Variants in STIM1 observed in about 807,000 individuals in gnomAD.
The protein encoded by STIM1 is stromal interaction molecule 1.
Under a neutral mutation model 74.7 loss-of-function variants are expected in STIM1, and 25 were observed. The ratio of observed to expected loss-of-function variants is 0.33; its 90% CI spans 0.24 to 0.47. STIM1 has a LOEUF of 0.47. Among genes scored for constraint, STIM1 ranks in the 20% least tolerant of loss-of-function variants. The pLI, the probability that STIM1 is intolerant of heterozygous loss-of-function variation, is 1.00. For synonymous variants in STIM1, 328 were observed against 348.8 expected (o/e 0.94, Z 0.66); for missense variants, 728 against 920.8 (o/e 0.79, Z 2.71).
At chr11:3,871,554 G>A (rs1042135590) in intron 1 of STIM1, among the ~76,000 whole-genome samples, 3 of 152,206 alleles carry the variant, frequency 2.0e-5, no homozygotes, top group African/African-American at 2.4e-5. Context: ...CTCTGAGTGA[G>A]TGGAGGAGGA....
chr11:4,088,919 TGA>T, intron 12 of STIM1: 2 of 592,132 alleles, frequency 3.4e-6, no homozygotes, highest in Non-Finnish European at 6.1e-6. Context: ...AACTTTTAGC[TGA>T]TGAGAGAGGC....
At chr11:4,007,758 C>T (rs2093797144) in intron 2 of STIM1, among the ~76,000 whole-genome samples, 1 of 152,038 alleles carries the variant, frequency 6.6e-6, no homozygotes, top group East Asian at 1.9e-4. Context: ...CAAACTGTGC[C>T]CCTGAAGGGT....
intron 3 of STIM1, among the ~76,000 whole-genome samples, chr11:4,039,506 A>C (rs1371190064): frequency 6.7e-6 from 1 of 148,688 alleles, no homozygotes; most frequent in Non-Finnish European, 1.5e-5. Flanking sequence ...TAATTGCTTG[A>C]ACCCAGGAGG....
chr11:3,975,624 A>C (rs1236305301), intron 2 of STIM1, among the ~76,000 whole-genome samples: 1 of 151,758 alleles, frequency 6.6e-6, no homozygotes, highest in African/African-American at 2.4e-5. Flanking sequence ...CCTCAAAAAA[A>C]AGAAGAAGAA....
At chr11:4,070,594 T>C (rs1385689818) in intron 6 of STIM1, among the ~76,000 whole-genome samples, 1 of 152,168 alleles carries the variant, frequency 6.6e-6, no homozygotes, top group African/African-American at 2.4e-5. Flanking sequence ...AAACCTTCCT[T>C]CTTACTGTCC....
chr11:4,075,113 C>T (rs776776849), intron 7 of STIM1, among the ~76,000 whole-genome samples: 3 of 151,536 alleles, frequency 2.0e-5, no homozygotes, highest in Non-Finnish European at 4.4e-5. Context: ...TGCACTCCAG[C>T]CTGGGTGACA....
intron 1 of STIM1, among the ~76,000 whole-genome samples, chr11:3,943,935 A>G (rs1590589072): frequency 6.6e-6 from 1 of 152,380 alleles, no homozygotes; most frequent in East Asian, 1.9e-4. Flanking sequence ...GTCAAAGGAT[A>G]TCTTCATCTA....
intron 1 of STIM1, among the ~76,000 whole-genome samples, chr11:3,908,667 GT>G (rs1441157903): frequency 2.6e-5 from 4 of 151,936 alleles, no homozygotes; most frequent in Non-Finnish European, 5.9e-5. Context: ...TAAAGCCTAG[GT>G]TTATTCTGCT....
rs201952182 is a variant in STIM1 at position 3,953,780 on chromosome 11, C to CTTTTTT, written c.140-13769_140-13768insTTTTTT. Among the ~76,000 whole-genome samples, 16 of 131,114 alleles carry CTTTTTT rather than the reference C, an allele frequency of 1.2e-4. 3 individuals are homozygous for CTTTTTT. Among genetic ancestry groups the CTTTTTT allele is most frequent in the East Asian group, 2.3e-4 (1 of 4,382 alleles). 86.0% of individuals were successfully genotyped at this position (131,114 alleles called of 152,430 possible). Reference sequence around the variant, plus strand: ...TCGGTATTGACTTCTTGATCTTCTTCTTTCTTTTTTTTTTTTTTTTGAGAC... The same window carrying CTTTTTT: ...TCGGTATTGACTTCTTGATCTTCTTCTTTTTTTTTCTTTTTTTTTTTTTTTTGAGAC... On this transcript the variant is annotated intron_variant, in intron 1 of 12. Coordinates refer to ENST00000526596, the MANE Select transcript of STIM1 (RefSeq NM_001382567.1).
intron 2 of STIM1, among the ~76,000 whole-genome samples, chr11:3,982,014 TTTTTC>T (rs1255096971): frequency 6.6e-6 from 1 of 152,098 alleles, no homozygotes; most frequent in Non-Finnish European, 1.5e-5. Context: ...TTTTGTTTCT[TTTTTC>T]TTTTCTTTTC....
intron 3 of STIM1, among the ~76,000 whole-genome samples, chr11:4,026,068 G>T (rs2093995819): frequency 6.6e-6 from 1 of 152,120 alleles, no homozygotes; most frequent in Admixed American, 6.6e-5. Context: ...AATCTCTCCG[G>T]AGTGATGATT....
intron 1 of STIM1, among the ~76,000 whole-genome samples, chr11:3,956,870 A>G (rs2093221402): frequency 6.7e-6 from 1 of 150,372 alleles, no homozygotes; most frequent in Admixed American, 6.7e-5. Flanking sequence ...GGAGAAACCT[A>G]CCTTGCAAAT....
chr11:4,052,373 C>T (rs183141915), intron 3 of STIM1, among the ~76,000 whole-genome samples: 2 of 152,166 alleles, frequency 1.3e-5, no homozygotes, highest in Admixed American at 6.5e-5. Context: ...CAGCATGGTA[C>T]CGGTACCAAA....
chr11:3,931,671 C>A (rs12270732), intron 1 of STIM1, among the ~76,000 whole-genome samples: 53,838 of 152,000 alleles, frequency 0.35, 9,780 homozygotes, highest in South Asian at 0.49. Flanking sequence ...TGTCCCTCTA[C>A]ATTTCATACA....
At position 4,083,344 on chromosome 11, in the gene STIM1, G is replaced by T; in HGVS notation, c.1320G>T (p.Gln440His). 1 of 1,614,240 alleles carries T rather than the reference G, an allele frequency of 6.2e-7. No individual in the cohort carries two copies. Among genetic ancestry groups the T allele is most frequent in the South Asian group, 1.1e-5 (1 of 91,088 alleles). Residue 440 changes from glutamine to histidine, a missense_variant, in exon 10 of 13, where the codon CAG becomes CAT. Physicochemically the swap from Gln to His is conservative, Grantham distance 24. Around this residue, in one of 5 missense-constraint regions of STIM1, gnomAD observed 352 missense variants for 370.1 expected, o/e 0.95. Transcript: ENST00000526596. ...WQQIEILCGF[Q>H]IVNNPGIHSL... ...AGATCGAGATCCTCTGTGGCTTCCA[G>T]ATTGTCAACAACCCTGGCATCCACT...
At chr11:3,983,014 C>T (rs2093521588) in intron 2 of STIM1, among the ~76,000 whole-genome samples, 1 of 152,152 alleles carries the variant, frequency 6.6e-6, no homozygotes, top group South Asian at 2.1e-4. Context: ...TCACTGCAGC[C>T]TCCATCTCCT....
At chr11:3,934,688 A>G (rs117413406) in intron 1 of STIM1, among the ~76,000 whole-genome samples, 24 of 152,318 alleles carry the variant, frequency 1.6e-4, no homozygotes, top group Middle Eastern at 6.8e-3. Flanking sequence ...ATTGTGTACA[A>G]CTATCTTGTG....
intron 2 of STIM1, among the ~76,000 whole-genome samples, chr11:3,972,647 T>G (rs1295648916): frequency 1.3e-5 from 2 of 152,198 alleles, no homozygotes; most frequent in Non-Finnish European, 2.9e-5. Context: ...CTTTTTTTTT[T>G]GCCTATACAC....
chr11:4,058,208 C>T (rs1302455683), intron 4 of STIM1, among the ~76,000 whole-genome samples: 1 of 152,214 alleles, frequency 6.6e-6, no homozygotes, highest in Non-Finnish European at 1.5e-5. Context: ...CAGTAGGAAA[C>T]TGAGGTCCTC....
Sources: allele counts gnomAD v4.1 joint callset (sites outside exome capture counted in the v4.1 genomes callset), GRCh38; gene constraint gnomAD v4.1.1; regional missense constraint gnomAD v4.1.1; transcripts MANE v1.5; gene names NCBI Gene and HGNC (gene_info 2026-07-23, HGNC 2026-07-21).